Variants in STIL observed in about 807,000 individuals in gnomAD.
STIL encodes STIL centriolar assembly protein, also known as SCL-interrupting locus protein.
In STIL, 55 loss-of-function variants were observed where a neutral mutation model predicts 110.1. That is an observed-to-expected ratio of 0.50 (90% confidence interval 0.40 to 0.63). The LOEUF (loss-of-function observed/expected upper bound fraction) is 0.63. Ranked by LOEUF, STIL falls within the 20% of genes least tolerant of loss-of-function variation. The pLI is 0.00. For missense variants in STIL, 1,358 were observed against 1,530.0 expected (o/e 0.89, Z 1.87); for synonymous variants, 481 against 530.0 (o/e 0.91, Z 1.27).
intron 6 of STIL, among the ~76,000 whole-genome samples, chr1:47,297,654 T>C (rs1244861698): frequency 6.6e-6 from 1 of 152,052 alleles, no homozygotes; most frequent in African/African-American, 2.4e-5. Flanking sequence ...CAGGCACTAT[T>C]GTAGCTTACT....
intron 14 of STIL, among the ~76,000 whole-genome samples, chr1:47,268,523 G>T (rs1644720610): frequency 6.6e-6 from 1 of 152,124 alleles, no homozygotes. Flanking sequence ...AGGAGGTCAA[G>T]GTGGGTGGAT....
intron 12 of STIL, among the ~76,000 whole-genome samples, chr1:47,276,827 A>C (rs1483740865): frequency 6.6e-6 from 1 of 151,254 alleles, no homozygotes; most frequent in African/African-American, 2.4e-5. Flanking sequence ...AAAAAAAAAA[A>C]AAAAAAAAAA....
At chr1:47,311,443 C>T (rs1341749087) in intron 1 of STIL, among the ~76,000 whole-genome samples, 1 of 152,024 alleles carries the variant, frequency 6.6e-6, no homozygotes. Flanking sequence ...CACCACTGCA[C>T]CCGGCTAATT....
At chr1:47,314,851 A>G (rs1646239230), upstream of STIL, among the ~76,000 whole-genome samples, 1 of 151,034 alleles carries the variant, frequency 6.6e-6, no homozygotes, top group South Asian at 2.1e-4. Context: ...CAGCTTCCCA[A>G]TTAGCTGGTA....
At chr1:47,286,095 A>G (rs1206045431) in intron 10 of STIL, among the ~76,000 whole-genome samples, 1 of 151,434 alleles carries the variant, frequency 6.6e-6, no homozygotes, top group African/African-American at 2.4e-5. Context: ...GGCTGGTCTC[A>G]AACTCCTGAC....
chr1:47,299,895 T>C lies in STIL; in HGVS notation c.701+10A>G, dbSNP rs955891795. On this transcript the variant is annotated intron_variant, in intron 6 of 16. Coordinates refer to ENST00000371877, the MANE Select transcript of STIL (RefSeq NM_001048166.1). ...CAACTAACATTTAGATTAATGTATCTTTTACTTACCCATATTTATAAGTCC... is the reference window on the plus strand; with the variant it reads ...CAACTAACATTTAGATTAATGTATCCTTTACTTACCCATATTTATAAGTCC... 6 of 1,611,990 alleles carry C rather than the reference T, an allele frequency of 3.7e-6. No homozygotes were observed. Among genetic ancestry groups the C allele is most frequent in the Non-Finnish European group, 5.1e-6 (6 of 1,178,216 alleles).
At chr1:47,312,394 A>G (rs1646159610) in intron 1 of STIL, among the ~76,000 whole-genome samples, 1 of 151,966 alleles carries the variant, frequency 6.6e-6, no homozygotes, top group Non-Finnish European at 1.5e-5. Context: ...CGGAGCTTGC[A>G]GCGAGTGGAG....
chr1:47,308,547 G>C (rs868168781), intron 2 of STIL, among the ~76,000 whole-genome samples: 10 of 151,982 alleles, frequency 6.6e-5, no homozygotes, highest in Middle Eastern at 3.4e-3. Flanking sequence ...TTATTTGTGG[G>C]ATCTAAAAAT....
At chr1:47,302,730 T>C (rs1196577704) in intron 3 of STIL, among the ~76,000 whole-genome samples, 1 of 152,190 alleles carries the variant, frequency 6.6e-6, no homozygotes. Flanking sequence ...AGACCCCCAG[T>C]GGATGTCTGA....
intron 15 of STIL, 51 bp downstream of exon 15, chr1:47,262,852 C>G: frequency 1.3e-6 from 2 of 1,522,608 alleles, no homozygotes; most frequent in Non-Finnish European, 1.8e-6. Flanking sequence ...ACTAGTATAT[C>G]CTATACTAAA....
In STIL at chr1:47,251,619, T is replaced by C; in HGVS notation, c.3384A>G (p.Gly1128=). ...FATKKYMKRY[G]LLQSSDNSED... ...CACTATTGTCACTGCTTTGTAGGAG[T>C]CCATATCTCTTCATATATTTTTTGG... The change falls in exon 17 of 17, where the codon GGA becomes GGG. Residue 1128 remains glycine, a synonymous_variant. Coordinates refer to ENST00000371877, the MANE Select transcript of STIL (RefSeq NM_001048166.1). 6.2e-7 allele frequency: 1 copy of C among 1,614,126 alleles called. No individual in the cohort carries two copies. The highest frequency in any genetic ancestry group is 2.2e-5 in the East Asian group (1 of 44,892).
chr1:47,253,419 C>G (rs1467680278), intron 16 of STIL, among the ~76,000 whole-genome samples: 1 of 152,120 alleles, frequency 6.6e-6, no homozygotes, highest in Non-Finnish European at 1.5e-5. Flanking sequence ...TTCTCCTGGC[C>G]CCCACTGCAG....
At chr1:47,301,198 T>C (rs72686209) in intron 5 of STIL, among the ~76,000 whole-genome samples, 41,178 of 151,882 alleles carry the variant, frequency 0.27, 5,865 homozygotes, top group Non-Finnish European at 0.32. Context: ...CTGCCTCAGC[T>C]TCCCGAAGTG....
intron 3 of STIL, among the ~76,000 whole-genome samples, chr1:47,303,982 G>C (rs1645880396): frequency 1.3e-5 from 2 of 152,052 alleles, no homozygotes; most frequent in South Asian, 4.2e-4. Context: ...TGTGACAATT[G>C]CTTTACAGAG....
intron 16 of STIL, among the ~76,000 whole-genome samples, chr1:47,257,760 A>C (rs575375489): frequency 3.1e-4 from 47 of 152,280 alleles, no homozygotes; most frequent in African/African-American, 1.1e-3. Flanking sequence ...ATTTCATAGC[A>C]GGCATAAAAG....
intron 16 of STIL, among the ~76,000 whole-genome samples, chr1:47,255,389 C>G (rs1373436929): frequency 2.6e-5 from 4 of 151,714 alleles, no homozygotes; most frequent in Admixed American, 1.3e-4. Context: ...CCCATCTCTA[C>G]AAATAAAAAT....
intron 1 of STIL, among the ~76,000 whole-genome samples, chr1:47,311,696 C>T (rs1302793336): frequency 1.3e-5 from 2 of 152,108 alleles, no homozygotes; most frequent in African/African-American, 4.8e-5. Context: ...GTCCTATATT[C>T]TTTCAAGCCT....
chr1:47,291,572 T>G (rs1248119070), intron 8 of STIL, among the ~76,000 whole-genome samples: 1 of 151,742 alleles, frequency 6.6e-6, no homozygotes, highest in African/African-American at 2.4e-5. Flanking sequence ...TGCAGGACTA[T>G]TTTATTTTTT....
At chr1:47,272,616 A>G (rs1053919253) in intron 12 of STIL, among the ~76,000 whole-genome samples, 5 of 151,896 alleles carry the variant, frequency 3.3e-5, no homozygotes, top group Non-Finnish European at 7.4e-5. Flanking sequence ...TGCCTGGTTA[A>G]TTTTCACATG....
Sources: allele counts gnomAD v4.1 joint callset (sites outside exome capture counted in the v4.1 genomes callset), GRCh38; gene constraint gnomAD v4.1.1; transcripts MANE v1.5; gene names NCBI Gene and HGNC (gene_info 2026-07-23, HGNC 2026-07-21).